TOMM20: variants seen among roughly 807,000 people sequenced by gnomAD.
TOMM20 encodes mitochondrial import receptor subunit TOM20 homolog.
Under a neutral mutation model 22.1 loss-of-function variants are expected in TOMM20, and 10 were observed. That is an observed-to-expected ratio of 0.45 (90% CI 0.28 to 0.77). TOMM20 has a LOEUF of 0.77. TOMM20 is among the 30% of genes least tolerant of loss of function. The pLI is 0.13. For missense variants in TOMM20, 121 were observed against 172.2 expected, an observed-to-expected ratio of 0.70 and a Z score of 1.66; for synonymous variants, 55 against 61.4, an observed-to-expected ratio of 0.90 and a Z score of 0.49.
intron 1 of TOMM20, among the ~76,000 whole-genome samples, chr1:235,127,051 A>G (rs888272853): frequency 6.6e-6 from 1 of 152,256 alleles, no homozygotes; most frequent in Non-Finnish European, 1.5e-5. Context: ...GTCTAAAATG[A>G]TAGCTCTTGT....
In TOMM20 at chr1:235,113,765, T is replaced by C; in HGVS notation, c.393+3A>G. 6.2e-7 allele frequency: 1 copy of C among 1,605,822 alleles called. No individual in the cohort carries two copies. Among genetic ancestry groups the C allele is most frequent in the Non-Finnish European group, 8.5e-7 (1 of 1,177,538 alleles). ...TTTATGTCATAACATTCCAATTCCT[T>C]ACCTGACTAATTGTTGGGAGCTTAG... On this transcript the variant is annotated splice_donor_region_variant and intron_variant, in intron 4 of 4. Transcript: ENST00000366607.
At position 235,128,706 on chromosome 1, in the gene TOMM20, G is replaced by A. The variant is rs1661080912; in HGVS notation, c.10C>T (p.Arg4Trp). The A allele has an allele frequency of 1.2e-6, 2 of 1,613,846 alleles. No individual in the cohort carries two copies. Among genetic ancestry groups the A allele is most frequent in the Admixed American group, 1.7e-5 (1 of 60,010 alleles). The change falls in exon 1 of 5, where the codon CGG (arginine) becomes TGG (tryptophan). Residue 4 changes from arginine to tryptophan, a missense_variant. Transcript: ENST00000366607. MVG[R>W]NSAIAAGVCG... is the part of the protein sequence containing the mutation. Reference sequence around the variant, plus strand: ...ACACCGGCGGCGATGGCGCTGTTCCGACCCACCATCTTCTCTACAACGCTG... The same window carrying A: ...ACACCGGCGGCGATGGCGCTGTTCCAACCCACCATCTTCTCTACAACGCTG...
chr1:235,126,167 C>T lies in TOMM20; in HGVS notation c.121+2428G>A, dbSNP rs139586376. Among the ~76,000 whole-genome samples the T allele has an allele frequency of 7.3e-3, 1,108 of 152,020 alleles. 9 individuals carry two copies. Among genetic ancestry groups the T allele is most frequent in the Admixed American group, 0.014 (210 of 15,272 alleles). On this transcript the variant is annotated intron_variant, in intron 1 of 4. Transcript: ENST00000366607. ...CGTATATTTTGGAGACAGAGTCTTGCTCTGTCCCCCCAGGATGGAGTGCAG... is the reference window on the plus strand; with the variant it reads ...CGTATATTTTGGAGACAGAGTCTTGTTCTGTCCCCCCAGGATGGAGTGCAG...
At chr1:235,127,004 G>T (rs1026215244) in intron 1 of TOMM20, among the ~76,000 whole-genome samples, 2 of 152,192 alleles carry the variant, frequency 1.3e-5, no homozygotes, top group Non-Finnish European at 2.9e-5. Context: ...GATTGAAAAT[G>T]ATGGAGAAGT....
chr1:235,120,462 G>A (rs749276281), intron 2 of TOMM20, among the ~76,000 whole-genome samples: 22 of 151,740 alleles, frequency 1.4e-4, no homozygotes, highest in Non-Finnish European at 2.9e-4. Context: ...ATAGGGTTTC[G>A]CAATGTTGGC....
chr1:235,120,275 TG>T (rs1660908061), intron 2 of TOMM20, among the ~76,000 whole-genome samples: 1 of 152,234 alleles, frequency 6.6e-6, no homozygotes, highest in Non-Finnish European at 1.5e-5. Flanking sequence ...TTGTTGTTTT[TG>T]TTTTTTTGTT....
At chr1:235,116,997 T>A (rs553591985) in intron 3 of TOMM20, among the ~76,000 whole-genome samples, 56 of 150,382 alleles carry the variant, frequency 3.7e-4, no homozygotes, top group Middle Eastern at 6.8e-3. Context: ...TAGCCGGGCG[T>A]GGTGGTGGGC....
chr1:235,116,410 G>A (rs181051881), intron 3 of TOMM20, among the ~76,000 whole-genome samples: 4 of 152,096 alleles, frequency 2.6e-5, no homozygotes, highest in South Asian at 2.1e-4. Context: ...ATGGTAGCAC[G>A]TGCCTGTAGT....
At chr1:235,127,732 T>G (rs896968983) in intron 1 of TOMM20, 1 of 381,554 alleles carries the variant, frequency 2.6e-6, no homozygotes, top group Non-Finnish European at 5.3e-6. Context: ...CGAATGAAGA[T>G]TCTCCGAAAA....
rs781605040 is a variant in TOMM20 at position 235,116,917 on chromosome 1, C to G, written c.250+2901G>C. Among the ~76,000 whole-genome samples, 4 of 151,874 alleles carry G rather than the reference C, an allele frequency of 2.6e-5. No individual in the cohort carries two copies. The East Asian group carries it at 5.8e-4, about 22-fold the overall frequency. The stretch of plus-strand genomic sequence containing the variant: ...TTGGGAGGCCAAGGCGGGCGGATCA[C>G]AAGGTCAGGAGATCGAGACCATCCT... On this transcript the variant is annotated intron_variant, in intron 3 of 4. Transcript: ENST00000366607.
intron 3 of TOMM20, 91 bp from the exon 4 acceptor site, chr1:235,114,001 C>T: frequency 1.5e-6 from 2 of 1,377,404 alleles, no homozygotes; most frequent in Non-Finnish European, 2.0e-6. Flanking sequence ...TGATGCTGAC[C>T]AAAAACACTA....
In TOMM20 at chr1:235,122,081, ATT is replaced by A. The variant is rs1275046399; in HGVS notation, c.168+243_168+244del. Among the ~76,000 whole-genome samples the A allele has an allele frequency of 7.0e-3, 1,070 of 152,300 alleles. 15 individuals carry two copies. Among genetic ancestry groups the A allele is most frequent in the African/African-American group, 0.025 (1,019 of 41,560 alleles). On this transcript the variant is annotated intron_variant, in intron 2 of 4. Coordinates refer to ENST00000366607, the MANE Select transcript of TOMM20 (RefSeq NM_014765.3). ...CTTGAGGCCCTCATCTTGCTCCTTAATTATTGTTCATACAGTAAGCTGTTTGT... is the reference window on the plus strand; with the variant it reads ...CTTGAGGCCCTCATCTTGCTCCTTAAATTGTTCATACAGTAAGCTGTTTGT...
intron 3 of TOMM20, among the ~76,000 whole-genome samples, chr1:235,119,116 G>A (rs1378990177): frequency 1.3e-5 from 2 of 152,224 alleles, no homozygotes; most frequent in South Asian, 2.1e-4. Context: ...TTTTAATAAC[G>A]ATAGCAACTA....
At chr1:235,112,153 A>T in intron 4 of TOMM20, 45 bp from the exon 5 acceptor site, 1 of 1,437,694 alleles carries the variant, frequency 7.0e-7, no homozygotes, top group Non-Finnish European at 9.5e-7. Flanking sequence ...ATAAGCATTT[A>T]ATTAGGATTC....
rs886742329 is a variant in TOMM20 at position 235,109,800 on chromosome 1, AGTT to A, written c.*2261_*2263del. 1.8e-4 allele frequency: 28 copies of A among 152,232 alleles called. No homozygotes were observed. Among genetic ancestry groups the A allele is most frequent in the African/African-American group, 6.5e-4 (27 of 41,450 alleles). The allele number at this position is 152,232 out of a possible 1,614,324, so 9.4% of individuals were successfully genotyped here. ...CTAATACATTATTTTCCATTTCCAA[AGTT>A]TTTTAGTAAGTGTGCAACATTAGCA... On this transcript the variant is annotated 3_prime_UTR_variant, in exon 5 of 5. Coordinates refer to ENST00000366607, the MANE Select transcript of TOMM20 (RefSeq NM_014765.3).
Position 235,124,665 on chromosome 1 carries a change from G to A in TOMM20, c.122-2293C>T, listed in dbSNP as rs188082848. On this transcript the variant is annotated intron_variant, in intron 1 of 4. Coordinates refer to ENST00000366607, the MANE Select transcript of TOMM20 (RefSeq NM_014765.3). ...ATGAAACCCAGGAAAGTGAAACTGAGTCATAAGTTTTTTTAATAAGGTGGG... is the reference window on the plus strand; with the variant it reads ...ATGAAACCCAGGAAAGTGAAACTGAATCATAAGTTTTTTTAATAAGGTGGG... Among the ~76,000 whole-genome samples, 4 of 152,296 alleles carry A rather than the reference G, an allele frequency of 2.6e-5. No individual in the cohort carries two copies. In the East Asian group the frequency reaches 5.8e-4, roughly 22 times the overall value.
chr1:235,122,674 C>G (rs181471739), intron 1 of TOMM20, among the ~76,000 whole-genome samples: 3 of 152,182 alleles, frequency 2.0e-5, no homozygotes, highest in Non-Finnish European at 4.4e-5. Context: ...TCAAGTCCCC[C>G]CTTCCAACCA....
intron 1 of TOMM20, among the ~76,000 whole-genome samples, chr1:235,124,058 G>T (rs949644519): frequency 6.6e-6 from 1 of 152,226 alleles, no homozygotes; most frequent in Non-Finnish European, 1.5e-5. Context: ...AACATTAAAA[G>T]AATTACAGCT....
chr1:235,128,464 A>G, intron 1 of TOMM20, 131 bp downstream of exon 1: 1 of 1,416,062 alleles, frequency 7.1e-7, no homozygotes, highest in Non-Finnish European at 9.6e-7. Flanking sequence ...AGCCAGCGCC[A>G]TCGCCTATTG....
Sources: allele counts gnomAD v4.1 joint callset (sites outside exome capture counted in the v4.1 genomes callset), GRCh38; gene constraint gnomAD v4.1.1; transcripts MANE v1.5; gene names NCBI Gene and HGNC (gene_info 2026-07-23, HGNC 2026-07-21).